NUDCD3: variants seen among roughly 807,000 people sequenced by gnomAD.
The protein encoded by NUDCD3 is NudC domain containing 3, also known as nudC domain-containing protein 3.
In NUDCD3, 13 loss-of-function variants were observed where a neutral mutation model predicts 39.7. The ratio of observed to expected loss-of-function variants is 0.33; its 90% CI spans 0.21 to 0.52. The LOEUF (loss-of-function observed/expected upper bound fraction) is 0.52. NUDCD3 is among the 20% of genes least tolerant of loss of function. The pLI is 0.96. For missense variants in NUDCD3, 453 were observed against 458.1 expected, an observed-to-expected ratio of 0.99 and a Z score of 0.10; for synonymous variants, 175 against 172.4, an observed-to-expected ratio of 1.02 and a Z score of -0.12.
intron 3 of NUDCD3, among the ~76,000 whole-genome samples, chr7:44,423,719 A>G (rs1453745547): frequency 6.6e-6 from 1 of 152,220 alleles, no homozygotes; most frequent in Non-Finnish European, 1.5e-5. Context: ...CATACTGCCC[A>G]AAGTAATTTA....
chr7:44,458,914 C>T (rs1222932758), intron 2 of NUDCD3, among the ~76,000 whole-genome samples: 1 of 142,698 alleles, frequency 7.0e-6, no homozygotes, highest in Non-Finnish European at 1.5e-5. Context: ...CTGACACTGG[C>T]TGCAGGATTA....
chr7:44,452,315 G>A (rs1041191929), intron 2 of NUDCD3, among the ~76,000 whole-genome samples: 4 of 152,184 alleles, frequency 2.6e-5, no homozygotes, highest in Admixed American at 6.5e-5. Flanking sequence ...GGGGGCGCAC[G>A]CCCCCAGCTA....
rs1462301832 is a variant in NUDCD3, at chr7:44,383,044, C to T, written c.*2967G>A. 1 of 152,366 alleles carries T rather than the reference C, an allele frequency of 6.6e-6. No individual in the cohort carries two copies. The highest frequency in any genetic ancestry group is 1.5e-5 in the Non-Finnish European group (1 of 68,124). The allele number at this position is 152,366 out of a possible 1,614,324, so 9.4% of individuals were successfully genotyped here. ...ACTTCTCACACCCCTAGGTCCTGTC[C>T]CCAGGGGTGAGCAGGGTCAGAGGAG... On this transcript the variant is annotated 3_prime_UTR_variant, in exon 6 of 6. Transcript: ENST00000355451.
intron 2 of NUDCD3, among the ~76,000 whole-genome samples, chr7:44,477,379 T>C (rs1303956903): frequency 1.3e-5 from 2 of 152,260 alleles, no homozygotes; most frequent in African/African-American, 4.8e-5. Flanking sequence ...TTCTTAGTGC[T>C]ACCATATTTT....
At chr7:44,480,332 A>G (rs1800461641) in intron 2 of NUDCD3, among the ~76,000 whole-genome samples, 1 of 152,254 alleles carries the variant, frequency 6.6e-6, no homozygotes, top group South Asian at 2.1e-4. Flanking sequence ...AAATTAGAAA[A>G]TATAGTAAGG....
chr7:44,468,600 G>A (rs1800183774), intron 2 of NUDCD3, among the ~76,000 whole-genome samples: 1 of 152,162 alleles, frequency 6.6e-6, no homozygotes, highest in African/African-American at 2.4e-5. Flanking sequence ...GCAAGAGACA[G>A]GTATCCTCCT....
intron 4 of NUDCD3, among the ~76,000 whole-genome samples, chr7:44,401,837 G>A (rs1486373782): frequency 2.0e-5 from 3 of 152,182 alleles, no homozygotes; most frequent in Admixed American, 2.0e-4. Context: ...CACAGGTGGA[G>A]ACAGGCCTGC....
intron 2 of NUDCD3, among the ~76,000 whole-genome samples, chr7:44,447,024 T>C (rs1467497684): frequency 6.6e-6 from 1 of 152,212 alleles, no homozygotes; most frequent in African/African-American, 2.4e-5. Flanking sequence ...ACAGAGAACA[T>C]TTACTTGGGC....
At chr7:44,447,207 T>C (rs1486959959) in intron 2 of NUDCD3, among the ~76,000 whole-genome samples, 1 of 152,196 alleles carries the variant, frequency 6.6e-6, no homozygotes, top group Non-Finnish European at 1.5e-5. Context: ...CCGTGCAAGT[T>C]TGACAGCCAC....
chr7:44,380,541 C>A lies in NUDCD3; in HGVS notation c.*5470G>T, dbSNP rs1289913567. On this transcript the variant is annotated 3_prime_UTR_variant, in exon 6 of 6. Transcript: ENST00000355451. ...CCTGGGTTTCCCAGCCTTTGATGAC[C>A]CCAAACGCTGTCTCTTCCCTAAGGG... 1 of 152,260 alleles carries A rather than the reference C, an allele frequency of 6.6e-6. No individual in the cohort carries two copies. Among genetic ancestry groups the A allele is most frequent in the Admixed American group, 6.5e-5 (1 of 15,274 alleles). The allele number at this position is 152,260 out of a possible 1,614,324, so 9.4% of individuals were successfully genotyped here. A position where few individuals can be genotyped will look rare whatever the true frequency, so the allele number is the denominator to read the frequency against.
chr7:44,457,278 C>T (rs1261787334), intron 2 of NUDCD3, among the ~76,000 whole-genome samples: 3 of 152,218 alleles, frequency 2.0e-5, no homozygotes, highest in Non-Finnish European at 4.4e-5. Flanking sequence ...AGGGTGCCTA[C>T]TCTCACTATT....
chr7:44,400,258 T>C (rs191295701), intron 4 of NUDCD3, among the ~76,000 whole-genome samples: 2 of 151,594 alleles, frequency 1.3e-5, no homozygotes, highest in African/African-American at 2.4e-5. Context: ...TTTAACATTC[T>C]GAAGTGTGGG....
intron 2 of NUDCD3, among the ~76,000 whole-genome samples, chr7:44,477,282 A>T (rs559630801): frequency 6.6e-6 from 1 of 152,318 alleles, no homozygotes; most frequent in African/African-American, 2.4e-5. Flanking sequence ...ACAGTGTTGG[A>T]GCACTCTGTT....
intron 3 of NUDCD3, among the ~76,000 whole-genome samples, chr7:44,412,527 T>G (rs1180712360): frequency 6.6e-6 from 1 of 152,240 alleles, no homozygotes; most frequent in African/African-American, 2.4e-5. Flanking sequence ...CAATTCATAC[T>G]ATGTTAGGCT....
chr7:44,450,384 G>A (rs1000051076), intron 2 of NUDCD3, among the ~76,000 whole-genome samples: 2 of 151,906 alleles, frequency 1.3e-5, no homozygotes, highest in Non-Finnish European at 2.9e-5. Flanking sequence ...CACCATGTTG[G>A]CAAGACTGGT....
chr7:44,409,842 ATTT>A (rs923764582), intron 3 of NUDCD3, among the ~76,000 whole-genome samples: 4 of 152,118 alleles, frequency 2.6e-5, no homozygotes, highest in Admixed American at 2.0e-4. Context: ...TATTATTACC[ATTT>A]TTTTAAGAAT....
intron 3 of NUDCD3, among the ~76,000 whole-genome samples, chr7:44,418,945 C>G (rs1019391869): frequency 9.2e-5 from 14 of 152,236 alleles, no homozygotes; most frequent in African/African-American, 3.1e-4. Flanking sequence ...TGTGCCTACA[C>G]CACCAGGGCC....
chr7:44,404,385 T>A lies in NUDCD3; in HGVS notation c.786+55A>T, dbSNP rs934717134. ...ATAGGCTTGTTGGTCAAAAGGGGCA[T>A]CACTGCAGGTTTGAAGTCCACCTGG... is the stretch of plus-strand genomic sequence containing the variant. On this transcript the variant is annotated intron_variant, in intron 4 of 5. Transcript: ENST00000355451. 9 of 1,565,622 alleles carry A rather than the reference T, an allele frequency of 5.7e-6. No individual in the cohort carries two copies. In the African/African-American group the frequency reaches 6.8e-5, roughly 12 times the overall value.
intron 2 of NUDCD3, among the ~76,000 whole-genome samples, chr7:44,438,442 G>C (rs1014113046): frequency 6.6e-6 from 1 of 152,118 alleles, no homozygotes; most frequent in African/African-American, 2.4e-5. Context: ...CAGAAGTAGA[G>C]AAAACTTGGA....
Sources: allele counts gnomAD v4.1 joint callset (sites outside exome capture counted in the v4.1 genomes callset), GRCh38; gene constraint gnomAD v4.1.1; transcripts MANE v1.5; gene names NCBI Gene and HGNC (gene_info 2026-07-23, HGNC 2026-07-21).